SRGAP3: variants seen among roughly 807,000 people sequenced by gnomAD.
SRGAP3 encodes the protein SLIT-ROBO Rho GTPase-activating protein 3.
In SRGAP3, 39 loss-of-function variants were observed where a neutral mutation model predicts 121.1. The observed-to-expected ratio is 0.32, with a 90% CI of 0.25 to 0.42. The LOEUF is 0.42. Among genes scored for constraint, SRGAP3 ranks in the 10% least tolerant of loss-of-function variants. The pLI is 1.00. For synonymous variants in SRGAP3, 601 were observed against 570.0 expected (o/e 1.05, Z -0.77); for missense variants, 1,213 against 1,470.6 (o/e 0.82, Z 2.86).
At position 9,182,175 on chromosome 3, in the gene SRGAP3, C is replaced by CAAAAAAA. The variant is rs34305216; in HGVS notation, c.68-57265_68-57259dup. On this transcript the variant is annotated intron_variant, in intron 1 of 21. Coordinates refer to ENST00000383836, the MANE Select transcript of SRGAP3 (RefSeq NM_014850.4). ...TGGATGACAGAGCAAGACTCTGTCT[C>CAAAAAAA]AAAAAAAAAAAAAAAAAAAAAAAAA... Among the ~76,000 whole-genome samples, 49 of 37,274 alleles carry CAAAAAAA rather than the reference C, an allele frequency of 1.3e-3. 4 individuals are homozygous for CAAAAAAA. The highest frequency in any genetic ancestry group is 1.6e-3 in the Admixed American group (4 of 2,568). 24.5% of individuals were successfully genotyped at this position (37,274 alleles called of 152,430 possible). A position where few individuals can be genotyped will look rare whatever the true frequency, so the allele number is the denominator to read the frequency against.
Position 9,013,826 on chromosome 3 carries a change from G to C in SRGAP3, c.1830C>G (p.Ala610=). 1.2e-6 allele frequency: 2 copies of C among 1,614,158 alleles called. No individual in the cohort carries two copies. The highest frequency in any genetic ancestry group is 1.6e-4 in the Middle Eastern group (1 of 6,062). Residue 610 remains alanine, a synonymous_variant, in exon 16 of 22, where the codon GCC becomes GCG. Transcript: ENST00000383836. ...LISTIKLENP[A]ERVHQIQQIL... ...TTTGTTGGATCTGGTGCACCCTCTC[G>C]GCTGGGTTCTCCAGTTCTGTAACAT...
At chr3:9,222,037 G>C (rs1183902710) in intron 1 of SRGAP3, among the ~76,000 whole-genome samples, 1 of 152,196 alleles carries the variant, frequency 6.6e-6, no homozygotes, top group East Asian at 1.9e-4. Flanking sequence ...GGGTCTGGCT[G>C]ACCTAGATCT....
intron 1 of SRGAP3, among the ~76,000 whole-genome samples, chr3:9,177,522 T>A (rs906017341): frequency 7.9e-5 from 12 of 152,012 alleles, no homozygotes; most frequent in African/African-American, 2.9e-4. Context: ...CCATGTGCCT[T>A]TCTAGGAAGG....
chr3:9,199,031 A>AC (rs1026136158), intron 1 of SRGAP3, among the ~76,000 whole-genome samples: 3 of 152,032 alleles, frequency 2.0e-5, no homozygotes, highest in Non-Finnish European at 4.4e-5. Context: ...AATGTGGCGC[A>AC]TTTTCCTTCC....
rs61284989 is a variant in SRGAP3 at position 9,122,725 on chromosome 3, A to G, written c.260+2000T>C. Among the ~76,000 whole-genome samples the G allele has an allele frequency of 2.9e-3, 443 of 151,798 alleles. 1 individual carries two copies. Among genetic ancestry groups the G allele is most frequent in the African/African-American group, 9.9e-3 (409 of 41,362 alleles). ...CTCCGTCTCAAAAAAAAAAAAAAAAAAGGGAGAAGATAGGGTAGAAAAAGA... is the reference window on the plus strand; with the variant it reads ...CTCCGTCTCAAAAAAAAAAAAAAAAGAGGGAGAAGATAGGGTAGAAAAAGA... On this transcript the variant is annotated intron_variant, in intron 2 of 21. Transcript: ENST00000383836.
chr3:9,227,646 G>A (rs562343885), intron 1 of SRGAP3, among the ~76,000 whole-genome samples: 1 of 152,294 alleles, frequency 6.6e-6, no homozygotes, highest in East Asian at 1.9e-4. Context: ...TTGTGCTTTG[G>A]TGTTAAAATT....
chr3:9,115,434 A>G (rs1450796625), intron 2 of SRGAP3, among the ~76,000 whole-genome samples: 1 of 152,224 alleles, frequency 6.6e-6, no homozygotes, highest in Non-Finnish European at 1.5e-5. Flanking sequence ...ATATATGCAT[A>G]TCAAAGTATA....
intron 18 of SRGAP3, among the ~76,000 whole-genome samples, chr3:9,008,830 T>C (rs1473770997): frequency 6.6e-6 from 1 of 152,132 alleles, no homozygotes; most frequent in Non-Finnish European, 1.5e-5. Context: ...ACTGGGTGCA[T>C]GACTCAAGGC....
At chr3:9,194,464 T>C (rs1354609375) in intron 1 of SRGAP3, 2 of 152,246 alleles carry the variant, frequency 1.3e-5, no homozygotes, top group Admixed American at 1.3e-4. Flanking sequence ...CGATTGAGTC[T>C]CTAAGTCTGG....
At position 8,980,735 on chromosome 3, in the gene SRGAP3, A is replaced by T. The variant is rs929199225; in HGVS notation, c.*4784T>A. 4.3e-6 allele frequency: 1 copy of T among 233,030 alleles called. No homozygotes were observed. The highest frequency in any genetic ancestry group is 8.5e-6 in the Non-Finnish European group (1 of 117,616). 14.4% of individuals were successfully genotyped at this position (233,030 alleles called of 1,614,324 possible). On this transcript the variant is annotated 3_prime_UTR_variant, in exon 22 of 22. Coordinates refer to ENST00000383836, the MANE Select transcript of SRGAP3 (RefSeq NM_014850.4). ...AAGGTAGAGAAACGATATCCAGAAG[A>T]GGGCAACATTTATCATCACGTGGGG...
intron 5 of SRGAP3, among the ~76,000 whole-genome samples, 189 bp from the exon 6 acceptor site, chr3:9,060,548 C>T (rs1287846626): frequency 6.6e-6 from 1 of 151,404 alleles, no homozygotes; most frequent in Non-Finnish European, 1.5e-5. Context: ...ACCTCAGCCT[C>T]CCGAGTAGCT....
intron 3 of SRGAP3, among the ~76,000 whole-genome samples, chr3:9,099,973 C>T (rs936675801): frequency 3.3e-5 from 5 of 152,204 alleles, no homozygotes; most frequent in African/African-American, 9.6e-5. Flanking sequence ...CCTAGGCTGA[C>T]GGGGCTGGCA....
chr3:9,082,135 A>ACT (rs1947277778), intron 3 of SRGAP3, among the ~76,000 whole-genome samples: 1 of 151,232 alleles, frequency 6.6e-6, no homozygotes, highest in African/African-American at 2.4e-5. Context: ...TGCGCCTCTC[A>ACT]CTCTCTCTCT....
intron 12 of SRGAP3, among the ~76,000 whole-genome samples, chr3:9,031,740 T>C (rs1574944279): frequency 1.3e-5 from 2 of 152,288 alleles, no homozygotes; most frequent in Middle Eastern, 3.4e-3. Flanking sequence ...CCCCAAATCA[T>C]TGGCAAAGCC....
intron 3 of SRGAP3, among the ~76,000 whole-genome samples, chr3:9,101,564 C>A: frequency 6.6e-6 from 1 of 152,170 alleles, no homozygotes; most frequent in Non-Finnish European, 1.5e-5. Flanking sequence ...ACACGGCCAG[C>A]GGGTGGGGCT....
intron 9 of SRGAP3, chr3:9,049,387 G>A (rs1226077446): frequency 2.2e-5 from 10 of 455,966 alleles, no homozygotes; most frequent in African/African-American, 2.0e-4. Flanking sequence ...TATCCACAGA[G>A]CACTTGACAG....
chr3:9,090,802 A>T (rs1247652794), intron 3 of SRGAP3, among the ~76,000 whole-genome samples: 2 of 151,964 alleles, frequency 1.3e-5, no homozygotes, highest in Non-Finnish European at 2.9e-5. Flanking sequence ...ACACCTAGCT[A>T]ATTTTTGTAT....
intron 3 of SRGAP3, among the ~76,000 whole-genome samples, chr3:9,277,726 A>C (rs1222400401): frequency 2.6e-5 from 4 of 152,018 alleles, no homozygotes; most frequent in African/African-American, 9.7e-5. Context: ...GGTTGCAGTG[A>C]GTTGAGATGG....
rs190642829 is a variant in SRGAP3, at chr3:9,361,627, C to T, written n.214+1213G>A. Among the ~76,000 whole-genome samples the T allele has an allele frequency of 3.0e-4, 45 of 152,260 alleles. No individual in the cohort carries two copies. The East Asian group carries it at 6.4e-3, about 22-fold the overall frequency. On this transcript the variant is annotated intron_variant and non_coding_transcript_variant, in intron 1 of 3. Transcript: ENST00000490889. ...TCCTACTCATGACAGGATGGGAAGT[C>T]GGACACACCTCTTTATAACCCCTCC...
Sources: allele counts gnomAD v4.1 joint callset (sites outside exome capture counted in the v4.1 genomes callset), GRCh38; gene constraint gnomAD v4.1.1; transcripts MANE v1.5; gene names NCBI Gene and HGNC (gene_info 2026-07-23, HGNC 2026-07-21).